The following TSPYL1 variants were observed in gnomAD, a reference collection of about 807,000 sequenced individuals.
The protein encoded by TSPYL1 is TSPY like 1, also known as testis-specific Y-encoded-like protein 1.
A neutral mutation model predicts 20.1 loss-of-function variants in TSPYL1; 16 were observed. The ratio of observed to expected loss-of-function variants is 0.80; its 90% CI spans 0.54 to 1.21. The LOEUF (loss-of-function observed/expected upper bound fraction) is 1.21, where lower values mean the gene tolerates loss of function less well. TSPYL1 is among the 50% of genes most tolerant of loss of function. The pLI is 0.00. For synonymous variants in TSPYL1, 259 were observed against 227.1 expected (o/e 1.14, Z -1.26); for missense variants, 560 against 569.3 (o/e 0.98, Z 0.17).
At position 116,275,012 on chromosome 6, in the gene TSPYL1, AAC is replaced by A. The variant is rs1773061209; in HGVS notation, c.*3503_*3504del. On this transcript the variant is annotated 3_prime_UTR_variant, in exon 1 of 1. Coordinates refer to ENST00000368608, the MANE Select transcript of TSPYL1 (RefSeq NM_003309.4). ...GATAATTAATTTTTCAATATATTTT[AAC>A]ACAATGTCAAAAATATTTCAACATG... Among the ~76,000 whole-genome samples the A allele has an allele frequency of 6.6e-6, 1 of 152,252 alleles. No individual in the cohort carries two copies. Among genetic ancestry groups the A allele is most frequent in the Non-Finnish European group, 1.5e-5 (1 of 68,038 alleles).
chr6:116,279,160 T>C lies in TSPYL1; in HGVS notation c.671A>G (p.His224Arg). The C allele has an allele frequency of 1.2e-6, 2 of 1,613,830 alleles. No individual in the cohort carries two copies. The highest frequency in any genetic ancestry group is 1.7e-6 in the Non-Finnish European group (2 of 1,179,990). Residue 224 changes from histidine (H) to arginine (R), a missense_variant, in exon 1 of 1, where the codon CAT (histidine) becomes CGT (arginine). Transcript: ENST00000368608. ...CAGAGGGTCCATGCGGAGAGCCTCA[T>C]GCAAAGGCCAGGGCCCTTCTTCCTC... Reference protein sequence around the residue: ...AREEEGPWPLHEALRMDPLEA... With the variant: ...AREEEGPWPLREALRMDPLEA...
At position 116,277,137 on chromosome 6, in the gene TSPYL1, T is replaced by G. The variant is rs1197334070; in HGVS notation, c.*1380A>C. 1 of 152,586 alleles carries G rather than the reference T, an allele frequency of 6.6e-6. No individual in the cohort carries two copies. The allele number at this position is 152,586 out of a possible 1,614,324, so 9.5% of individuals were successfully genotyped here. On this transcript the variant is annotated 3_prime_UTR_variant, in exon 1 of 1. Coordinates refer to ENST00000368608, the MANE Select transcript of TSPYL1 (RefSeq NM_003309.4). ...TACAGCTCAATTTTCACAATAAGTT[T>G]AGAATCAGAAAAAAAAATTTTACTA...
rs879016495 is a variant in TSPYL1 at position 116,279,822 on chromosome 6, G to A, written c.9C>T (p.Gly3=). The A allele has an allele frequency of 6.2e-7, 1 of 1,613,018 alleles. No homozygotes were observed. The highest frequency in any genetic ancestry group is 1.3e-5 in the African/African-American group (1 of 75,052). MS[G]LDGVKRTTPL... ...GAGTGGTCCTCTTGACCCCATCCAG[G>A]CCGCTCATGTTGCTAACAGTCGGAC... The change falls in exon 1 of 1, where the codon GGC becomes GGT. Residue 3 remains glycine (G), a synonymous_variant. Transcript: ENST00000368608.
Position 116,279,079 on chromosome 6 carries a change from T to C in TSPYL1, c.752A>G (p.Gln251Arg), listed in dbSNP as rs763534549. ...CCGCCCAAACTTGTGCTCCAGCTGTTGGAAGGCCCTGTCGGCCTGAGCATT... is the reference window on the plus strand; with the variant it reads ...CCGCCCAAACTTGTGCTCCAGCTGTCGGAAGGCCCTGTCGGCCTGAGCATT... Reference protein sequence around the residue: ...TVNAQADRAFQQLEHKFGRMR... With the variant: ...TVNAQADRAFRQLEHKFGRMR... The change falls in exon 1 of 1, where the codon CAA becomes CGA. Residue 251 changes from glutamine (Q) to arginine (R), a missense_variant. Gln to Arg is a conservative substitution (Grantham distance 43). Transcript: ENST00000368608. 1 of 1,613,482 alleles carries C rather than the reference T, an allele frequency of 6.2e-7. No individual in the cohort carries two copies. Among genetic ancestry groups the C allele is most frequent in the Non-Finnish European group, 8.5e-7 (1 of 1,179,484 alleles).
At position 116,279,209 on chromosome 6, in the gene TSPYL1, C is replaced by T; in HGVS notation, c.622G>A (p.Asp208Asn). The T allele has an allele frequency of 1.2e-6, 2 of 1,610,080 alleles. No homozygotes were observed. The highest frequency in any genetic ancestry group is 1.7e-6 in the Non-Finnish European group (2 of 1,179,614). ...TCCCTCGCCTCCTCCTCCAATCTAT[C>T]CTCCTCCGCCACTTCTATTTCTTCA... is the stretch of plus-strand genomic sequence containing the variant. ...EGEEIEVAEE[D>N]RLEEEAREEE... is the part of the protein sequence containing the mutation. Residue 208 changes from aspartate (D) to asparagine (N), a missense_variant, in exon 1 of 1, where the codon GAT becomes AAT. By Grantham distance (23) the Asp-to-Asn change is conservative. Transcript: ENST00000368608.
Position 116,279,167 on chromosome 6 carries a change from G to A in TSPYL1, c.664C>T (p.Pro222Ser). 1.9e-6 allele frequency: 3 copies of A among 1,613,390 alleles called. No individual in the cohort carries two copies. Among genetic ancestry groups the A allele is most frequent in the Non-Finnish European group, 2.5e-6 (3 of 1,179,944 alleles). Reference protein sequence around the residue: ...EEAREEEGPWPLHEALRMDPL... With the variant: ...EEAREEEGPWSLHEALRMDPL... ...TCCATGCGGAGAGCCTCATGCAAAGGCCAGGGCCCTTCTTCCTCCCTCGCC... is the reference window on the plus strand; with the variant it reads ...TCCATGCGGAGAGCCTCATGCAAAGACCAGGGCCCTTCTTCCTCCCTCGCC... The change falls in exon 1 of 1, where the codon CCT becomes TCT. Residue 222 changes from proline to serine, a missense_variant. Coordinates refer to ENST00000368608, the MANE Select transcript of TSPYL1 (RefSeq NM_003309.4).
Position 116,276,147 on chromosome 6 carries a change from A to T in TSPYL1, c.*2370T>A, listed in dbSNP as rs138976771. Among the ~76,000 whole-genome samples the T allele has an allele frequency of 2.3e-3, 347 of 152,338 alleles. 4 individuals carry two copies. The East Asian group carries it at 0.023, about 10-fold the overall frequency. Reference sequence around the variant, plus strand: ...TATCTCCTCTATGGGGAACAGAAAGACTTTGGCAGAGGAATTACCAAGGGC... The same window carrying T: ...TATCTCCTCTATGGGGAACAGAAAGTCTTTGGCAGAGGAATTACCAAGGGC... On this transcript the variant is annotated 3_prime_UTR_variant, in exon 1 of 1. Transcript: ENST00000368608.
Position 116,278,544 on chromosome 6 carries a change from G to A in TSPYL1, c.1287C>T (p.Pro429=). ...AACCAGACTGGAACCCAAAGGGCCT[G>A]GGGATCTCTACAGGCTCCCTTAGCG... The part of the protein sequence containing the change: ...RRPLREPVEI[P]RPFGFQSG Residue 429 remains proline (P), a synonymous_variant, in exon 1 of 1, where the codon CCC becomes CCT. Transcript: ENST00000368608. 1 of 1,614,134 alleles carries A rather than the reference G, an allele frequency of 6.2e-7. No individual in the cohort carries two copies. The highest frequency in any genetic ancestry group is 8.5e-7 in the Non-Finnish European group (1 of 1,180,028).
rs1297916340 is a variant in TSPYL1, at chr6:116,278,890, T to C, written c.941A>G (p.His314Arg). The change falls in exon 1 of 1, where the codon CAC (histidine) becomes CGC (arginine). Residue 314 changes from histidine (H) to arginine (R), a missense_variant. His to Arg is a conservative substitution (Grantham distance 29). Transcript: ENST00000368608. ...CTTGAACTTGCAACCGGTTCTAGGG[T>C]GTCTGAGTTCCTTCACCTCTAAATT... ...ITNLEVKELR[H>R]PRTGCKFKFF... 1.2e-6 allele frequency: 2 copies of C among 1,614,012 alleles called. No homozygotes were observed. The highest frequency in any genetic ancestry group is 1.7e-5 in the Admixed American group (1 of 60,000).
At position 116,275,381 on chromosome 6, in the gene TSPYL1, T is replaced by C. The variant is rs1434820185; in HGVS notation, c.*3136A>G. Among the ~76,000 whole-genome samples the C allele has an allele frequency of 1.3e-5, 2 of 152,274 alleles. No homozygotes were observed. The highest frequency in any genetic ancestry group is 2.4e-5 in the African/African-American group (1 of 41,472). On this transcript the variant is annotated 3_prime_UTR_variant, in exon 1 of 1. Coordinates refer to ENST00000368608, the MANE Select transcript of TSPYL1 (RefSeq NM_003309.4). ...GGGAAATAGTTATTTAGGAATGGCA[T>C]TGCAAATCTTTTTGACATTTTCCCA...
chr6:116,276,225 AG>A lies in TSPYL1; in HGVS notation c.*2291del, dbSNP rs1773137260. Among the ~76,000 whole-genome samples, 2 of 152,248 alleles carry A rather than the reference AG, an allele frequency of 1.3e-5. No homozygotes were observed. On this transcript the variant is annotated 3_prime_UTR_variant, in exon 1 of 1. Transcript: ENST00000368608. ...ACAGTGAGGAAGTTTAAAGAAAAAA[AG>A]GAAGTTTTTACAGATGAGAAAGTAT...
chr6:116,279,874 T>C lies in TSPYL1; in HGVS notation c.-44A>G. The C allele has an allele frequency of 6.2e-7, 1 of 1,612,932 alleles. No homozygotes were observed. Among genetic ancestry groups the C allele is most frequent in the Non-Finnish European group, 8.5e-7 (1 of 1,179,946 alleles). On this transcript the variant is annotated 5_prime_UTR_variant, in exon 1 of 1. Transcript: ENST00000368608. ...AACCGCAGGCGAACGCCCGTTTTCC[T>C]CAGAGGCCGAACTGGGAGCTAACCG...
Position 116,275,351 on chromosome 6 carries a change from A to G in TSPYL1, c.*3166T>C, listed in dbSNP as rs972597967. Among the ~76,000 whole-genome samples, 10 of 152,266 alleles carry G rather than the reference A, an allele frequency of 6.6e-5. No homozygotes were observed. The highest frequency in any genetic ancestry group is 5.2e-4 in the Admixed American group (8 of 15,288). On this transcript the variant is annotated 3_prime_UTR_variant, in exon 1 of 1. Transcript: ENST00000368608. ...AGTGTTTAGACGTTTTCTAATGACTAAAAGGGGAAATAGTTATTTAGGAAT... is the reference window on the plus strand; with the variant it reads ...AGTGTTTAGACGTTTTCTAATGACTGAAAGGGGAAATAGTTATTTAGGAAT...
Position 116,279,436 on chromosome 6 carries a change from A to G in TSPYL1, c.395T>C (p.Leu132Pro). The change falls in exon 1 of 1, where the codon CTA becomes CCA. Residue 132 changes from leucine (L) to proline (P), a missense_variant. Transcript: ENST00000368608. ...KKGVQGGEKALEICGAQRSAS... is the reference protein window; with the variant it reads ...KKGVQGGEKAPEICGAQRSAS... The stretch of plus-strand genomic sequence containing the variant: ...GGATCTCTGGGCGCCACAGATTTCT[A>G]GGGCCTTCTCTCCACCCTGAACGCC... The G allele has an allele frequency of 6.2e-7, 1 of 1,613,454 alleles. No homozygotes were observed. The highest frequency in any genetic ancestry group is 8.5e-7 in the Non-Finnish European group (1 of 1,180,020).
chr6:116,279,326 C>G lies in TSPYL1; in HGVS notation c.505G>C (p.Glu169Gln). The G allele has an allele frequency of 6.2e-7, 1 of 1,610,732 alleles. No homozygotes were observed. Among genetic ancestry groups the G allele is most frequent in the East Asian group, 2.2e-5 (1 of 44,856 alleles). Reference sequence around the variant, plus strand: ...TTCACCACCTCAGCGCTCTCCCTCTCAGCCACGGCTGCTGAGACGGTGGCG... The same window carrying G: ...TTCACCACCTCAGCGCTCTCCCTCTGAGCCACGGCTGCTGAGACGGTGGCG... ...KCATVSAAVA[E>Q]RESAEVVKEG... Residue 169 changes from glutamate to glutamine, a missense_variant, in exon 1 of 1, where the codon GAG becomes CAG. By Grantham distance (29) the Glu-to-Gln change is conservative (BLOSUM62 2). Coordinates refer to ENST00000368608, the MANE Select transcript of TSPYL1 (RefSeq NM_003309.4).
chr6:116,276,561 C>G lies in TSPYL1; in HGVS notation c.*1956G>C, dbSNP rs10484838. On this transcript the variant is annotated 3_prime_UTR_variant, in exon 1 of 1. Transcript: ENST00000368608. ...TGATTCTGTAATTTTTAGTTAACAT[C>G]AATTTAAGGACTTTAATGATTTTAA... is the stretch of plus-strand genomic sequence containing the variant. 0.56 allele frequency: 84,552 copies of G among 152,034 alleles called. 24,327 individuals carry two copies. Among genetic ancestry groups the G allele is most frequent in the East Asian group, 0.94 (4,868 of 5,178 alleles). 9.4% of individuals were successfully genotyped at this position (152,034 alleles called of 1,614,324 possible). A position where few individuals can be genotyped will look rare whatever the true frequency, so the allele number is the denominator to read the frequency against.
chr6:116,277,609 A>T lies in TSPYL1; in HGVS notation c.*908T>A, dbSNP rs1451544028. The T allele has an allele frequency of 6.6e-6, 1 of 152,228 alleles. No homozygotes were observed. Among genetic ancestry groups the T allele is most frequent in the Non-Finnish European group, 1.5e-5 (1 of 68,054 alleles). 9.4% of individuals were successfully genotyped at this position (152,228 alleles called of 1,614,324 possible). ...GAAAATGACAGAGCCAAAATGAAAT[A>T]AAAACCTTGCTTTTACAAATGTTTC... On this transcript the variant is annotated 3_prime_UTR_variant, in exon 1 of 1. Transcript: ENST00000368608.
chr6:116,278,956 A>AT lies in TSPYL1; in HGVS notation c.874dup (p.Met292AsnfsTer3). ...CATCTCTGCATCTTGGCCCCTAATC[A>AT]TGGCGGACAACTGGGGGTGGTTTCG... is the stretch of plus-strand genomic sequence containing the variant. On this transcript the variant is annotated frameshift_variant, in exon 1 of 1. Coordinates refer to ENST00000368608, the MANE Select transcript of TSPYL1 (RefSeq NM_003309.4). LOFTEE classifies it high-confidence loss of function. 6.2e-7 allele frequency: 1 copy of AT among 1,614,090 alleles called. No homozygotes were observed. The highest frequency in any genetic ancestry group is 8.5e-7 in the Non-Finnish European group (1 of 1,180,030).
At position 116,279,893 on chromosome 6, in the gene TSPYL1, C is replaced by A; in HGVS notation, c.-63G>T. 4 of 1,608,340 alleles carry A rather than the reference C, an allele frequency of 2.5e-6. No individual in the cohort carries two copies. The highest frequency in any genetic ancestry group is 2.2e-5 in the East Asian group (1 of 44,864). On this transcript the variant is annotated 5_prime_UTR_variant, in exon 1 of 1. Transcript: ENST00000368608. ...TTTTCCTCAGAGGCCGAACTGGGAG[C>A]TAACCGCCGCTCGCACCGCCCACCC...
Sources: allele counts gnomAD v4.1 joint callset (sites outside exome capture counted in the v4.1 genomes callset), GRCh38; gene constraint gnomAD v4.1.1; transcripts MANE v1.5; gene names NCBI Gene and HGNC (gene_info 2026-07-23, HGNC 2026-07-21).